Variants in NEK1 observed in about 807,000 individuals in gnomAD.
The protein encoded by NEK1 is serine/threonine-protein kinase Nek1.
Under a neutral mutation model 182.1 loss-of-function variants are expected in NEK1, and 137 were observed. The observed-to-expected ratio is 0.75, with a 90% CI of 0.65 to 0.87. NEK1 has a LOEUF of 0.87. NEK1 is among the 40% of genes least tolerant of loss of function. NEK1 has a pLI of 0.00. For synonymous variants in NEK1, 513 were observed against 492.2 expected (o/e 1.04, Z -0.56); for missense variants, 1,391 against 1,494.4 (o/e 0.93, Z 1.14).
At chr4:169,398,052 A>T (rs902234862) in intron 35 of NEK1, among the ~76,000 whole-genome samples, 3 of 152,246 alleles carry the variant, frequency 2.0e-5, no homozygotes, top group African/African-American at 7.2e-5. Flanking sequence ...TTACAGCATG[A>T]CATATGAGAA....
chr4:169,589,447 C>A lies in NEK1; in HGVS notation c.464G>T (p.Ser155Ile). ...GDFGIARVLN[S>I]TVELARTCIG... ...AAACAAAGTTTAAAATTCATGTTAC[C>A]TATTAAGAACTCTAGCAATTCCAAA... is the stretch of plus-strand genomic sequence containing the variant. The change falls in exon 7 of 36, where the codon AGT becomes ATT. Residue 155 changes from serine (S) to isoleucine (I), a missense_variant and splice_region_variant. By Grantham distance (142) the Ser-to-Ile change is moderately radical (BLOSUM62 -2). This residue lies in a region of NEK1 where 116 missense variants were observed against 114.5 expected (regional missense o/e 1.01). Transcript: ENST00000507142. 1 of 1,465,686 alleles carries A rather than the reference C, an allele frequency of 6.8e-7. No homozygotes were observed. The highest frequency in any genetic ancestry group is 1.3e-5 in the South Asian group (1 of 78,340). 90.8% of individuals were successfully genotyped at this position (1,465,686 alleles called of 1,614,324 possible). A position where few individuals can be genotyped will look rare whatever the true frequency, so the allele number is the denominator to read the frequency against.
chr4:169,575,939 TTTA>T (rs1389627397), intron 12 of NEK1, among the ~76,000 whole-genome samples: 3 of 151,904 alleles, frequency 2.0e-5, no homozygotes, highest in Non-Finnish European at 2.9e-5. Flanking sequence ...AATCTCTCAT[TTTA>T]TTATTATAAT....
Position 169,479,405 on chromosome 4 carries a change from C to G in NEK1, c.2137G>C (p.Val713Leu), listed in dbSNP as rs199827465. 5 of 1,607,928 alleles carry G rather than the reference C, an allele frequency of 3.1e-6. No homozygotes were observed. Among genetic ancestry groups the G allele is most frequent in the Non-Finnish European group, 4.2e-6 (5 of 1,177,532 alleles). ...GTTCTGAATCTTAGGAAACTTACCACGCCAACTTCTTTCAAAGCTGAAGTT... is the reference window on the plus strand; with the variant it reads ...GTTCTGAATCTTAGGAAACTTACCAGGCCAACTTCTTTCAAAGCTGAAGTT... ...SVTSALKEVGVDSSLTDTRET... is the reference protein window; with the variant it reads ...SVTSALKEVGLDSSLTDTRET... Residue 713 changes from valine to leucine, a missense_variant and splice_region_variant, in exon 24 of 36, where the codon GTG becomes CTG. Around this residue, in one of 5 missense-constraint regions of NEK1, gnomAD observed 1,216 missense variants for 1,277.6 expected, o/e 0.95. Coordinates refer to ENST00000507142, the MANE Select transcript of NEK1 (RefSeq NM_001199397.3).
intron 31 of NEK1, among the ~76,000 whole-genome samples, chr4:169,420,277 T>C (rs1263839400): frequency 6.6e-6 from 1 of 152,188 alleles, no homozygotes; most frequent in Non-Finnish European, 1.5e-5. Flanking sequence ...TACACTGAAA[T>C]ACCTCCTGAA....
At chr4:169,485,615 A>G (rs1252100999) in intron 23 of NEK1, among the ~76,000 whole-genome samples, 1 of 152,208 alleles carries the variant, frequency 6.6e-6, no homozygotes, top group East Asian at 1.9e-4. Context: ...GGAAAACAAT[A>G]TAAAGTTTCA....
rs182194408 is a variant in NEK1, at chr4:169,581,707, T to C, written c.808-805A>G. Among the ~76,000 whole-genome samples the C allele has an allele frequency of 1.4e-4, 22 of 152,276 alleles. No individual in the cohort carries two copies. In the East Asian group the frequency reaches 2.7e-3, roughly 19 times the overall value. On this transcript the variant is annotated intron_variant, in intron 10 of 35. Coordinates refer to ENST00000507142, the MANE Select transcript of NEK1 (RefSeq NM_001199397.3). ...CTCAGCAATTTAACACAACTACCTA[T>C]CTGGAAAAATCTCTATATTCTGTGT...
At chr4:169,535,153 C>G (rs1758267966) in intron 19 of NEK1, among the ~76,000 whole-genome samples, 1 of 151,838 alleles carries the variant, frequency 6.6e-6, no homozygotes. Flanking sequence ...AACCCCATCT[C>G]TACTAAAAAA....
chr4:169,400,097 C>T, intron 35 of NEK1, 128 bp downstream of exon 35: 1 of 930,552 alleles, frequency 1.1e-6, no homozygotes, highest in Middle Eastern at 2.1e-4. Context: ...TTTATTATTG[C>T]TTAAAAGTTA....
chr4:169,430,118 T>C (rs1218976495), intron 29 of NEK1, among the ~76,000 whole-genome samples: 1 of 152,194 alleles, frequency 6.6e-6, no homozygotes, highest in Non-Finnish European at 1.5e-5. Flanking sequence ...ATTATTCCTA[T>C]AATATGTAAA....
At chr4:169,397,786 A>G (rs1730971529) in intron 35 of NEK1, among the ~76,000 whole-genome samples, 1 of 152,188 alleles carries the variant, frequency 6.6e-6, no homozygotes, top group Non-Finnish European at 1.5e-5. Context: ...AGAGGGTGTC[A>G]ATTCTACCTT....
At chr4:169,545,053 C>CTTTTTTT (rs200190997) in intron 18 of NEK1, among the ~76,000 whole-genome samples, 1 of 137,908 alleles carries the variant, frequency 7.3e-6, no homozygotes, top group Non-Finnish European at 1.6e-5. Flanking sequence ...TTCTCTGATT[C>CTTTTTTT]TTTTTTTTTT....
chr4:169,479,650 C>T (rs1430012820), intron 23 of NEK1, 116 bp from the exon 24 acceptor site: 7 of 807,924 alleles, frequency 8.7e-6, no homozygotes, highest in Non-Finnish European at 1.3e-5. Flanking sequence ...TTTTTTCATT[C>T]CTGAATTATC....
intron 27 of NEK1, among the ~76,000 whole-genome samples, chr4:169,461,307 T>C (rs964887724): frequency 6.6e-6 from 1 of 152,124 alleles, no homozygotes; most frequent in Non-Finnish European, 1.5e-5. Flanking sequence ...AAAACAATCT[T>C]TGATACACCC....
intron 27 of NEK1, among the ~76,000 whole-genome samples, chr4:169,458,744 C>T (rs765127126): frequency 2.6e-5 from 4 of 151,260 alleles, no homozygotes; most frequent in Non-Finnish European, 4.4e-5. Context: ...GGAAGGATCA[C>T]CTGGGCCCAG....
At chr4:169,510,243 T>G (rs1753966521) in intron 19 of NEK1, among the ~76,000 whole-genome samples, 1 of 152,142 alleles carries the variant, frequency 6.6e-6, no homozygotes, top group Admixed American at 6.6e-5. Context: ...TGCAGCCCTT[T>G]TCTCTTTACA....
intron 19 of NEK1, among the ~76,000 whole-genome samples, chr4:169,532,008 T>A (rs1363701665): frequency 6.6e-6 from 1 of 152,144 alleles, no homozygotes; most frequent in Non-Finnish European, 1.5e-5. Context: ...ATATACTGTA[T>A]GATTCATAAT....
At chr4:169,577,802 T>G (rs2150038406) in intron 11 of NEK1, among the ~76,000 whole-genome samples, 1 of 151,962 alleles carries the variant, frequency 6.6e-6, no homozygotes, top group Non-Finnish European at 1.5e-5. Context: ...AATTCACATT[T>G]TAGAAACTAC....
intron 28 of NEK1, among the ~76,000 whole-genome samples, chr4:169,437,223 ATT>A (rs57720571): frequency 4.0e-5 from 6 of 151,510 alleles, no homozygotes; most frequent in South Asian, 4.2e-4. Context: ...CAAATAACTA[ATT>A]TTTTTTTTTA....
intron 32 of NEK1, among the ~76,000 whole-genome samples, chr4:169,406,078 CAG>C (rs1732543455): frequency 6.6e-6 from 1 of 152,124 alleles, no homozygotes. Context: ...GCCTGGGTGA[CAG>C]AGCAAGAGTC....
Sources: allele counts gnomAD v4.1 joint callset (sites outside exome capture counted in the v4.1 genomes callset), GRCh38; gene constraint gnomAD v4.1.1; regional missense constraint gnomAD v4.1.1; transcripts MANE v1.5; gene names NCBI Gene and HGNC (gene_info 2026-07-23, HGNC 2026-07-21).